Variants in MALT1 observed in about 807,000 individuals in gnomAD.
MALT1 encodes MALT1 paracaspase, also known as mucosa-associated lymphoid tissue lymphoma translocation protein 1.
In MALT1, 36 loss-of-function variants were observed where a neutral mutation model predicts 85.5. The observed-to-expected ratio is 0.42, with a 90% CI of 0.32 to 0.56. The LOEUF is 0.56. Ranked by LOEUF, MALT1 falls within the 20% of genes least tolerant of loss-of-function variation. The pLI, the probability that MALT1 is intolerant of heterozygous loss-of-function variation, is 0.10. For synonymous variants in MALT1, 359 were observed against 361.3 expected, an observed-to-expected ratio of 0.99 and a Z score of 0.07; for missense variants, 716 against 981.6, an observed-to-expected ratio of 0.73 and a Z score of 3.62.
At chr18:58,725,726 T>C (rs1045050843) in intron 10 of MALT1, among the ~76,000 whole-genome samples, 1 of 152,218 alleles carries the variant, frequency 6.6e-6, no homozygotes, top group African/African-American at 2.4e-5. Flanking sequence ...CTTATTGATA[T>C]TTTCACCTTG....
intron 2 of MALT1, among the ~76,000 whole-genome samples, chr18:58,694,956 A>T (rs1328193511): frequency 6.6e-6 from 1 of 152,320 alleles, no homozygotes; most frequent in East Asian, 1.9e-4. Flanking sequence ...CTTATCTTGA[A>T]TTCCCATGTG....
At chr18:58,715,470 T>A (rs62094045) in intron 8 of MALT1, among the ~76,000 whole-genome samples, 15,547 of 152,248 alleles carry the variant, frequency 0.1, 1,055 homozygotes, top group Admixed American at 0.16. Context: ...TTTCCCTACA[T>A]GGTGCTTCAG....
chr18:58,749,345 G>A lies in MALT1; in HGVS notation c.*1503G>A. 1 of 217,384 alleles carries A rather than the reference G, an allele frequency of 4.6e-6. No homozygotes were observed. Among genetic ancestry groups the A allele is most frequent in the Non-Finnish European group, 9.3e-6 (1 of 108,100 alleles). The allele number at this position is 217,384 out of a possible 1,614,324, so 13.5% of individuals were successfully genotyped here. Reference sequence around the variant, plus strand: ...CAGAAGTGAAAGTGAGGTATCAGAAGTGTTAAGTGACATGCCTGAGGCACC... The same window carrying A: ...CAGAAGTGAAAGTGAGGTATCAGAAATGTTAAGTGACATGCCTGAGGCACC... On this transcript the variant is annotated 3_prime_UTR_variant, in exon 17 of 17. Coordinates refer to ENST00000649217, the MANE Select transcript of MALT1 (RefSeq NM_006785.4).
chr18:58,713,402 A>AG (rs1277483477), intron 7 of MALT1, among the ~76,000 whole-genome samples: 1 of 152,190 alleles, frequency 6.6e-6, no homozygotes, highest in African/African-American at 2.4e-5. Context: ...TCTAACCATG[A>AG]GAAAAACATC....
intron 3 of MALT1, among the ~76,000 whole-genome samples, 181 bp downstream of exon 3, chr18:58,696,668 A>C (rs1311911697): frequency 6.6e-6 from 1 of 152,186 alleles, no homozygotes; most frequent in African/African-American, 2.4e-5. Context: ...GAATTGTCTC[A>C]TGAAAACATT....
chr18:58,709,385 T>C lies in MALT1; in HGVS notation c.657T>C (p.Val219=), dbSNP rs1221032758. The part of the protein sequence containing the change: ...CDIPESFQRS[V]DGVSESKLQI... ...TTTTTCTTTTAATTTAAGGAAGTGT[T>C]GATGGCGTCTCTGAATCCAAGTTGC... is the stretch of plus-strand genomic sequence containing the variant. Residue 219 remains valine, a synonymous_variant, in exon 5 of 17, where the codon GTT becomes GTC. Transcript: ENST00000649217. 6.3e-7 allele frequency: 1 copy of C among 1,582,090 alleles called. No individual in the cohort carries two copies. The highest frequency in any genetic ancestry group is 2.3e-5 in the East Asian group (1 of 43,978).
chr18:58,729,950 C>G (rs1438556225), intron 10 of MALT1, among the ~76,000 whole-genome samples: 2 of 152,158 alleles, frequency 1.3e-5, no homozygotes, highest in East Asian at 3.9e-4. Context: ...TGTTAGAAAG[C>G]CACAAACCAG....
At chr18:58,687,172 T>C (rs1308352946) in intron 2 of MALT1, among the ~76,000 whole-genome samples, 1 of 152,162 alleles carries the variant, frequency 6.6e-6, no homozygotes, top group Non-Finnish European at 1.5e-5. Context: ...ATGAGGAAAT[T>C]GGCAATTATT....
rs775020829 is a variant in MALT1 at position 58,715,957 on chromosome 18, C to G, written c.1008C>G (p.Asp336Glu). The change falls in exon 9 of 17, where the codon GAC becomes GAG. Residue 336 changes from aspartate (D) to glutamate (E), a missense_variant. Physicochemically the swap from Asp to Glu is conservative, Grantham distance 45. Coordinates refer to ENST00000649217, the MANE Select transcript of MALT1 (RefSeq NM_006785.4). ...TAGATAATAAAGAGCAAACAACTGA[C>G]CAGCCTTTGGGTGAGTAGAACTTTA... ...GHPDNKEQTT[D>E]QPLAKDKVAL... 3 of 1,604,284 alleles carry G rather than the reference C, an allele frequency of 1.9e-6. No homozygotes were observed. Among genetic ancestry groups the G allele is most frequent in the Non-Finnish European group, 2.6e-6 (3 of 1,175,162 alleles).
chr18:58,737,678 G>T (rs2055243122), intron 13 of MALT1, among the ~76,000 whole-genome samples: 2 of 152,154 alleles, frequency 1.3e-5, no homozygotes, highest in South Asian at 4.1e-4. Context: ...CACCTCCCAG[G>T]TTCAAGTGAT....
intron 1 of MALT1, among the ~76,000 whole-genome samples, chr18:58,676,218 T>C (rs932709722): frequency 1.3e-5 from 2 of 152,144 alleles, no homozygotes; most frequent in African/African-American, 4.8e-5. Flanking sequence ...TCAGGTCTTA[T>C]TCCTCCTCTG....
At chr18:58,687,005 A>G (rs956714063) in intron 2 of MALT1, among the ~76,000 whole-genome samples, 1 of 152,222 alleles carries the variant, frequency 6.6e-6, no homozygotes, top group African/African-American at 2.4e-5. Context: ...TACCATTTCC[A>G]TAATGCTAGG....
chr18:58,696,592 T>G (rs2054593262), intron 3 of MALT1, 105 bp downstream of exon 3: 1 of 928,752 alleles, frequency 1.1e-6, no homozygotes, highest in Non-Finnish European at 1.5e-6. Context: ...GGTAAAAGAG[T>G]CTGATAGACA....
At chr18:58,695,101 CGT>C (rs762216037) in intron 2 of MALT1, among the ~76,000 whole-genome samples, 1 of 152,220 alleles carries the variant, frequency 6.6e-6, no homozygotes, top group Non-Finnish European at 1.5e-5. Flanking sequence ...ACCTTCTTCT[CGT>C]TTGTCTGCCG....
chr18:58,735,547 C>T (rs897536503), intron 13 of MALT1, among the ~76,000 whole-genome samples: 1 of 152,182 alleles, frequency 6.6e-6, no homozygotes, highest in Non-Finnish European at 1.5e-5. Context: ...TCTCCACCAT[C>T]TGTGCAGCAT....
intron 4 of MALT1, among the ~76,000 whole-genome samples, chr18:58,701,620 G>A (rs1298400316): frequency 6.6e-6 from 1 of 152,166 alleles, no homozygotes; most frequent in Non-Finnish European, 1.5e-5. Flanking sequence ...CACAGCCTTG[G>A]GCTTCGATGT....
chr18:58,680,774 T>C (rs2054307738), intron 1 of MALT1, among the ~76,000 whole-genome samples: 1 of 151,632 alleles, frequency 6.6e-6, no homozygotes, highest in Admixed American at 6.6e-5. Flanking sequence ...ATACAAAAAA[T>C]TAGCCGGGCG....
intron 16 of MALT1, among the ~76,000 whole-genome samples, chr18:58,746,563 T>A (rs1169771417): frequency 6.6e-6 from 1 of 152,184 alleles, no homozygotes; most frequent in African/African-American, 2.4e-5. Flanking sequence ...ATTACACACA[T>A]AAACCTGTTG....
chr18:58,712,126 T>C (rs1362328928), intron 7 of MALT1, among the ~76,000 whole-genome samples: 1 of 152,196 alleles, frequency 6.6e-6, no homozygotes, highest in Non-Finnish European at 1.5e-5. Context: ...GCAAGCACAC[T>C]ATTAAATAAT....
Sources: gnomAD v4.1 joint callset for allele counts (sites outside exome capture counted in the v4.1 genomes callset) on GRCh38, gnomAD v4.1.1 for gene constraint, MANE v1.5 for transcripts, NCBI Gene and HGNC (gene_info 2026-07-23, HGNC 2026-07-21) for gene names.